SCAMP4: variants seen among roughly 807,000 people sequenced by gnomAD.
SCAMP4 encodes secretory carrier membrane protein 4.
In SCAMP4, 19 loss-of-function variants were observed where a neutral mutation model predicts 32.1. The observed-to-expected ratio is 0.59, with a 90% CI of 0.41 to 0.87. SCAMP4 has a LOEUF of 0.87. Among genes scored for constraint, SCAMP4 ranks in the 40% least tolerant of loss-of-function variants. SCAMP4 has a pLI of 0.00. For missense variants in SCAMP4, 302 were observed against 309.0 expected (o/e 0.98, Z 0.17); for synonymous variants, 152 against 132.7 (o/e 1.15, Z -1.00).
At position 1,924,426 on chromosome 19, in the gene SCAMP4, C is replaced by A. The variant is rs573756259; in HGVS notation, c.*142C>A. ...AGCCGGTGGTGGCCACGGACCGCCC[C>A]CCTCCTGCCAGGGCCACAGAACCCG... On this transcript the variant is annotated 3_prime_UTR_variant, in exon 7 of 7. Transcript: ENST00000316097. 296 of 686,658 alleles carry A rather than the reference C, an allele frequency of 4.3e-4. 1 individual carries two copies. Among genetic ancestry groups the A allele is most frequent in the South Asian group, 1.6e-3 (93 of 56,562 alleles). The allele number at this position is 686,658 out of a possible 1,614,324, so 42.5% of individuals were successfully genotyped here.
At chr19:1,912,996 G>A (rs966057624) in intron 1 of SCAMP4, 2 of 1,608,470 alleles carry the variant, frequency 1.2e-6, no homozygotes, top group Non-Finnish European at 1.7e-6. Flanking sequence ...CCTGGTGCAC[G>A]CACGCATCCT....
intron 1 of SCAMP4, chr19:1,905,663 G>T (rs886296097): frequency 6.4e-5 from 10 of 157,474 alleles, no homozygotes; most frequent in African/African-American, 2.4e-4. Flanking sequence ...TGGCCTGGGG[G>T]AAGCCTCAGG....
rs535516053 is a variant in SCAMP4, at chr19:1,924,157, C to T, written c.563C>T (p.Thr188Met). The T allele has an allele frequency of 6.1e-5, 99 of 1,611,720 alleles. 1 individual carries two copies. In the East Asian group the frequency reaches 1.1e-3, roughly 18 times the overall value. Residue 188 changes from threonine (T) to methionine (M), a missense_variant, in exon 7 of 7, where the codon ACG (threonine) becomes ATG (methionine). Thr to Met is a moderately conservative substitution (Grantham distance 81, BLOSUM62 -1). Coordinates refer to ENST00000316097, the MANE Select transcript of SCAMP4 (RefSeq NM_079834.4). Reference protein sequence around the residue: ...GAGGSFQKAQTEWNTGTWRNP... With the variant: ...GAGGSFQKAQMEWNTGTWRNP... The stretch of plus-strand genomic sequence containing the variant: ...GGCGGAAGCTTCCAGAAGGCACAGA[C>T]GGAGTGGAACACGGGCACTTGGCGG...
At chr19:1,917,956 G>T (rs1436148658) in intron 3 of SCAMP4, 134 bp downstream of exon 3, 5 of 1,373,816 alleles carry the variant, frequency 3.6e-6, no homozygotes, top group African/African-American at 2.8e-5. Context: ...TGGTCCCTGC[G>T]GTGAACGAGG....
At chr19:1,913,983 G>T (rs2013637403) in intron 1 of SCAMP4, among the ~76,000 whole-genome samples, 2 of 152,174 alleles carry the variant, frequency 1.3e-5, no homozygotes, top group South Asian at 2.1e-4. Context: ...CTGGCCAGGA[G>T]CCCGCCAGGC....
rs760797955 is a variant in SCAMP4, at chr19:1,913,025, G to A, written c.-41-1954G>A. 1.4e-5 allele frequency: 22 copies of A among 1,605,038 alleles called. No individual in the cohort carries two copies. The highest frequency in any genetic ancestry group is 4.5e-5 in the East Asian group (2 of 44,850). The stretch of plus-strand genomic sequence containing the variant: ...GCATCCTGCGCGTCTTCTACGGTGC[G>A]CCCTCGCCCGACGGCGCCCTGGGCA... On this transcript the variant is annotated intron_variant, in intron 1 of 6. Coordinates refer to ENST00000316097, the MANE Select transcript of SCAMP4 (RefSeq NM_079834.4).
chr19:1,914,899 T>A, intron 1 of SCAMP4, 80 bp from the exon 2 acceptor site: 1 of 1,237,436 alleles, frequency 8.1e-7, no homozygotes, highest in Non-Finnish European at 1.2e-6. Flanking sequence ...ATGAAGGGCT[T>A]TTCAGCCACG....
Position 1,905,455 on chromosome 19 carries a change from C to T in SCAMP4, c.-42+16C>T, listed in dbSNP as rs1345614603. On this transcript the variant is annotated intron_variant, in intron 1 of 6. Transcript: ENST00000316097. Reference sequence around the variant, plus strand: ...GATCCCTCAGGTAAGCGCGCGGCCCCGAGGTCTCGGGTTCTCCAGGCTCAG... The same window carrying T: ...GATCCCTCAGGTAAGCGCGCGGCCCTGAGGTCTCGGGTTCTCCAGGCTCAG... 8.7e-6 allele frequency: 4 copies of T among 458,270 alleles called. 1 individual carries two copies. Among genetic ancestry groups the T allele is most frequent in the East Asian group, 7.7e-5 (1 of 12,980 alleles). The allele number at this position is 458,270 out of a possible 1,614,324, so 28.4% of individuals were successfully genotyped here.
chr19:1,923,026 C>T (rs775471611), intron 5 of SCAMP4, 44 bp from the exon 6 acceptor site: 1 of 1,491,960 alleles, frequency 6.7e-7, no homozygotes, highest in South Asian at 1.3e-5. Context: ...GGGCCCTCAT[C>T]CAGCAGGTGT....
At chr19:1,919,157 GC>G (rs2013836230) in intron 5 of SCAMP4, 167 bp downstream of exon 5, 2 of 1,442,614 alleles carry the variant, frequency 1.4e-6, no homozygotes, top group Admixed American at 2.7e-5. Flanking sequence ...CCTCGCCAGC[GC>G]CCGCGTCCTC....
At chr19:1,923,007 C>G in intron 5 of SCAMP4, 63 bp from the exon 6 acceptor site, 1 of 1,465,602 alleles carries the variant, frequency 6.8e-7, no homozygotes. Context: ...GGACCATGGG[C>G]CGGACCATGG....
intron 1 of SCAMP4, chr19:1,913,267 C>A: frequency 1.4e-6 from 2 of 1,391,876 alleles, no homozygotes; most frequent in Non-Finnish European, 1.9e-6. Context: ...GGGACACATA[C>A]CGCCTCCAGC....
chr19:1,917,614 G>T (rs2013775282), intron 2 of SCAMP4, 80 bp from the exon 3 acceptor site: 4 of 1,547,062 alleles, frequency 2.6e-6, no homozygotes, highest in Non-Finnish European at 3.5e-6. Context: ...AGGCAACCCA[G>T]CCTTGGGTCG....
intron 1 of SCAMP4, chr19:1,914,501 G>A (rs987703446): frequency 1.7e-5 from 3 of 175,416 alleles, no homozygotes; most frequent in African/African-American, 4.7e-5. Context: ...CCAGGATCAC[G>A]GAAGCAGCTA....
At chr19:1,912,862 C>T (rs1408980785) in intron 1 of SCAMP4, 12 of 1,598,622 alleles carry the variant, frequency 7.5e-6, no homozygotes, top group South Asian at 4.4e-5. Context: ...CCGGCCGCTG[C>T]CCCCCAGGCC....
chr19:1,920,601 GGGACTC>G, intron 5 of SCAMP4: 1 of 985,440 alleles, frequency 1.0e-6, no homozygotes, highest in Non-Finnish European at 1.2e-6. Context: ...GCGTGTGCCT[GGGACTC>G]CCAGCTCTGC....
rs530017670 is a variant in SCAMP4 at position 1,917,714 on chromosome 19, C to A, written c.28C>A (p.Pro10Thr). 1.2e-6 allele frequency: 2 copies of A among 1,614,042 alleles called. No individual in the cohort carries two copies. Among genetic ancestry groups the A allele is most frequent in the East Asian group, 4.5e-5 (2 of 44,892 alleles). The change falls in exon 3 of 7, where the codon CCA becomes ACA. Residue 10 changes from proline to threonine, a missense_variant. Coordinates refer to ENST00000316097, the MANE Select transcript of SCAMP4 (RefSeq NM_079834.4). ...TACAGAAAAGGAGAACAACTTCCCG[C>A]CACTGCCCAAGTTCATCCCTGTGAA... MSEKENNFPPLPKFIPVKPC... is the reference protein window; with the variant it reads MSEKENNFPTLPKFIPVKPC...
At chr19:1,905,540 C>T (rs1057384745) in intron 1 of SCAMP4, 101 bp downstream of exon 1, 13 of 336,314 alleles carry the variant, frequency 3.9e-5, no homozygotes, top group Non-Finnish European at 7.8e-5. Flanking sequence ...GGGGCGCCGG[C>T]CGTTTGTGGG....
Position 1,922,454 on chromosome 19 carries a change from C to G in SCAMP4, c.396-616C>G, listed in dbSNP as rs1371337800. 1.1e-5 allele frequency: 9 copies of G among 815,926 alleles called. No homozygotes were observed. In the African/African-American group the frequency reaches 1.3e-4, roughly 12 times the overall value. The allele number at this position is 815,926 out of a possible 1,614,324, so 50.5% of individuals were successfully genotyped here. ...TTCACCTTGTTGGTCAGGCTGGTCT[C>G]CAGTTCCTGGCCTCAAGTGATCCGC... On this transcript the variant is annotated intron_variant, in intron 5 of 6. Coordinates refer to ENST00000316097, the MANE Select transcript of SCAMP4 (RefSeq NM_079834.4).
Sources: allele counts gnomAD v4.1 joint callset (sites outside exome capture counted in the v4.1 genomes callset), GRCh38; gene constraint gnomAD v4.1.1; transcripts MANE v1.5; gene names NCBI Gene and HGNC (gene_info 2026-07-23, HGNC 2026-07-21).